RGS17: variants seen among roughly 807,000 people sequenced by gnomAD.
RGS17 encodes regulator of G-protein signaling 17.
In RGS17, 12 loss-of-function variants were observed where a neutral mutation model predicts 25.5. That is an observed-to-expected ratio of 0.47 (90% CI 0.30 to 0.76). The LOEUF (loss-of-function observed/expected upper bound fraction) is 0.76. Among genes scored for constraint, RGS17 ranks in the 30% least tolerant of loss-of-function variants. The pLI, the probability that RGS17 is intolerant of heterozygous loss-of-function variation, is 0.07. For synonymous variants in RGS17, 71 were observed against 76.9 expected (o/e 0.92, Z 0.40); for missense variants, 196 against 242.2 (o/e 0.81, Z 1.27).
intron 1 of RGS17, among the ~76,000 whole-genome samples, chr6:153,119,655 T>C (rs1171873801): frequency 1.3e-5 from 2 of 152,136 alleles, no homozygotes; most frequent in East Asian, 3.9e-4. Flanking sequence ...ATCACGCCAT[T>C]GCACTCCAGC....
At position 153,037,191 on chromosome 6, in the gene RGS17, CACACACACAG is replaced by C. The variant is rs978171558; in HGVS notation, c.119+6699_119+6708del. ...TTTAAAACACACACACACACACACA[CACACACACAG>C]ACACACACACACACACACACAGGAG... On this transcript the variant is annotated intron_variant, in intron 2 of 4. Transcript: ENST00000206262. Among the ~76,000 whole-genome samples, 70 of 115,098 alleles carry C rather than the reference CACACACACAG, an allele frequency of 6.1e-4. 1 individual carries two copies. In the East Asian group the frequency reaches 0.024, roughly 40 times the overall value. 75.5% of individuals were successfully genotyped at this position (115,098 alleles called of 152,430 possible).
rs375098173 is a variant in RGS17 at position 153,089,150 on chromosome 6, CT to C, written c.-26+41973del. 7.8e-3 allele frequency among the ~76,000 whole-genome samples: 1,162 copies of C among 148,582 alleles called. 10 individuals carry two copies. Among genetic ancestry groups the C allele is most frequent in the African/African-American group, 0.025 (1,006 of 40,538 alleles). ...CAAAGTCTCTGATCACAATGGTACA[CT>C]TTTTTTTTTCTTTCTGCATTATTGG... On this transcript the variant is annotated intron_variant, in intron 1 of 4. Coordinates refer to ENST00000206262, the MANE Select transcript of RGS17 (RefSeq NM_012419.5).
rs536069626 is a variant in RGS17 at position 153,011,751 on chromosome 6, A to G, written c.456T>C (p.Asp152=). The G allele has an allele frequency of 6.3e-6, 10 of 1,598,352 alleles. No homozygotes were observed. The highest frequency in any genetic ancestry group is 8.5e-6 in the Non-Finnish European group (10 of 1,175,790). Residue 152 remains aspartate, a synonymous_variant, in exon 5 of 5, where the codon GAT becomes GAC. Transcript: ENST00000206262. ...TATTGATCACCTCTCTAACTCGAGA[A>G]TCAAGACTGACCTAAAAAGAAACAA... ...SILSPKEVSL[D]SRVREVINRN...
chr6:153,121,356 T>A (rs925447177), intron 1 of RGS17, among the ~76,000 whole-genome samples: 3 of 152,172 alleles, frequency 2.0e-5, no homozygotes, highest in African/African-American at 7.2e-5. Flanking sequence ...TATTTCTTTT[T>A]CCCTAAAATC....
chr6:153,023,327 T>A, intron 4 of RGS17: 4 of 497,996 alleles, frequency 8.0e-6, no homozygotes, highest in Non-Finnish European at 1.6e-5. Flanking sequence ...AAATCACAGT[T>A]GTTTAGGAGA....
chr6:153,054,606 G>A lies in RGS17; in HGVS notation c.-25-10563C>T, dbSNP rs138836780. 8.6e-3 allele frequency among the ~76,000 whole-genome samples: 1,305 copies of A among 151,674 alleles called. 15 individuals are homozygous for A. The highest frequency in any genetic ancestry group is 8.9e-3 in the Non-Finnish European group (602 of 67,954). On this transcript the variant is annotated intron_variant, in intron 1 of 4. Coordinates refer to ENST00000206262, the MANE Select transcript of RGS17 (RefSeq NM_012419.5). Reference sequence around the variant, plus strand: ...GTGGAGGTTGCAGTGAGCCGAGATCGCGCCACTGCACTCCAGCCTGGGCAA... The same window carrying A: ...GTGGAGGTTGCAGTGAGCCGAGATCACGCCACTGCACTCCAGCCTGGGCAA...
chr6:153,049,868 G>A (rs1229242290), intron 1 of RGS17, among the ~76,000 whole-genome samples: 1 of 152,138 alleles, frequency 6.6e-6, no homozygotes, highest in African/African-American at 2.4e-5. Flanking sequence ...CTGAAGACAT[G>A]TCTGAAAATA....
chr6:153,126,371 G>T (rs563746227), intron 1 of RGS17, among the ~76,000 whole-genome samples: 1 of 152,296 alleles, frequency 6.6e-6, no homozygotes, highest in African/African-American at 2.4e-5. Context: ...GAAGTGTAAA[G>T]GTTGGAAAAC....
intron 1 of RGS17, among the ~76,000 whole-genome samples, chr6:153,073,489 G>C (rs963159477): frequency 3.9e-5 from 6 of 152,132 alleles, no homozygotes; most frequent in African/African-American, 1.4e-4. Flanking sequence ...TTTAGAAATG[G>C]GTTGTTTAAA....
chr6:153,069,063 A>G (rs1776746307), intron 1 of RGS17, among the ~76,000 whole-genome samples: 1 of 152,194 alleles, frequency 6.6e-6, no homozygotes, highest in African/African-American at 2.4e-5. Flanking sequence ...CCAAAAACTA[A>G]AAGTAGAGCT....
At chr6:153,112,853 T>G (rs2129125642) in intron 1 of RGS17, among the ~76,000 whole-genome samples, 1 of 152,186 alleles carries the variant, frequency 6.6e-6, no homozygotes, top group East Asian at 1.9e-4. Flanking sequence ...AATGACATCC[T>G]TTACAGACAA....
At chr6:153,110,530 A>T (rs1382333707) in intron 1 of RGS17, among the ~76,000 whole-genome samples, 1 of 152,160 alleles carries the variant, frequency 6.6e-6, no homozygotes, top group Non-Finnish European at 1.5e-5. Context: ...AATGACTCTT[A>T]GAAAGAACCC....
intron 1 of RGS17, among the ~76,000 whole-genome samples, chr6:153,115,476 T>C (rs887457148): frequency 6.6e-6 from 1 of 152,132 alleles, no homozygotes; most frequent in Admixed American, 6.5e-5. Context: ...GAAAAATCAA[T>C]ATCGTGAAAA....
chr6:153,011,736 C>A lies in RGS17; in HGVS notation c.471G>T (p.Glu157Asp). ...KEVSLDSRVR[E>D]VINRNLLDPN... ...GATCCAACAGATTTCTATTGATCAC[C>A]TCTCTAACTCGAGAATCAAGACTGA... Residue 157 changes from glutamate to aspartate, a missense_variant, in exon 5 of 5, where the codon GAG becomes GAT. By Grantham distance (45) the Glu-to-Asp change is conservative. This residue lies in a region of RGS17 where 179 missense variants were observed against 197.6 expected (regional missense o/e 0.91). Transcript: ENST00000206262. 6.2e-7 allele frequency: 1 copy of A among 1,608,522 alleles called. No homozygotes were observed. Among genetic ancestry groups the A allele is most frequent in the South Asian group, 1.1e-5 (1 of 89,716 alleles).
chr6:153,016,038 T>C (rs1431732055), intron 4 of RGS17, among the ~76,000 whole-genome samples: 1 of 152,206 alleles, frequency 6.6e-6, no homozygotes, highest in Non-Finnish European at 1.5e-5. Context: ...TGTCTGTAAC[T>C]GAACCTGCAG....
chr6:153,060,643 AT>A (rs1032057772), intron 1 of RGS17, among the ~76,000 whole-genome samples: 1 of 152,096 alleles, frequency 6.6e-6, no homozygotes, highest in Admixed American at 6.5e-5. Flanking sequence ...AGCTGGAGCC[AT>A]TGTTCTATTT....
At chr6:153,032,357 C>T (rs1361027232) in intron 2 of RGS17, among the ~76,000 whole-genome samples, 1 of 152,130 alleles carries the variant, frequency 6.6e-6, no homozygotes, top group African/African-American at 2.4e-5. Flanking sequence ...CCTCTAAAGG[C>T]TCACTCCACA....
intron 1 of RGS17, among the ~76,000 whole-genome samples, chr6:153,124,501 T>C (rs1329378848): frequency 6.6e-6 from 1 of 152,242 alleles, no homozygotes; most frequent in Non-Finnish European, 1.5e-5. Context: ...TTTTGATTTA[T>C]TAAGTCTAAT....
At chr6:153,032,274 G>T (rs1776159918) in intron 2 of RGS17, among the ~76,000 whole-genome samples, 1 of 152,084 alleles carries the variant, frequency 6.6e-6, no homozygotes, top group African/African-American at 2.4e-5. Context: ...GGTGTGTGGG[G>T]ATGGGAACAG....
Sources: gnomAD v4.1 joint callset for allele counts (sites outside exome capture counted in the v4.1 genomes callset) on GRCh38, gnomAD v4.1.1 for gene constraint, gnomAD v4.1.1 regional missense constraint, MANE v1.5 for transcripts, NCBI Gene and HGNC (gene_info 2026-07-23, HGNC 2026-07-21) for gene names.